The following SFMBT2 variants were observed in gnomAD, a reference collection of about 807,000 sequenced individuals.
SFMBT2 encodes Scm like with four mbt domains 2.
A neutral mutation model predicts 110.1 loss-of-function variants in SFMBT2; 38 were observed. That is an observed-to-expected ratio of 0.35 (90% confidence interval 0.27 to 0.45). The LOEUF (loss-of-function observed/expected upper bound fraction) is 0.45. Ranked by LOEUF, SFMBT2 falls within the 20% of genes least tolerant of loss-of-function variation. SFMBT2 has a pLI of 1.00. For missense variants in SFMBT2, 1,011 were observed against 1,094.9 expected (o/e 0.92, Z 1.08); for synonymous variants, 425 against 425.4 (o/e 1.00, Z 0.01).
In SFMBT2 at chr10:7,163,655, G is replaced by T; in HGVS notation, c.*115C>A. The T allele has an allele frequency of 1.1e-6, 1 of 919,550 alleles. No individual in the cohort carries two copies. Among genetic ancestry groups the T allele is most frequent in the Non-Finnish European group, 1.6e-6 (1 of 609,268 alleles). 57.0% of individuals were successfully genotyped at this position (919,550 alleles called of 1,614,324 possible). A position where few individuals can be genotyped will look rare whatever the true frequency, so the allele number is the denominator to read the frequency against. On this transcript the variant is annotated 3_prime_UTR_variant, in exon 21 of 21. Transcript: ENST00000397167. The surrounding 1 kb of genome is among the most constrained non-coding windows in gnomAD (Gnocchi z 4.8). ...GAAGATCCTGGGCTTCTGGTTTTCT[G>T]GTGATACTTAGTGGCTGTACCATTT...
chr10:7,209,944 C>T (rs1839281469), intron 11 of SFMBT2, among the ~76,000 whole-genome samples: 1 of 152,104 alleles, frequency 6.6e-6, no homozygotes, highest in Admixed American at 6.6e-5. Context: ...TACGGTATTG[C>T]CACAGAGGTC....
chr10:7,343,122 G>A (rs868809811), intron 4 of SFMBT2, among the ~76,000 whole-genome samples: 5 of 151,872 alleles, frequency 3.3e-5, no homozygotes, highest in African/African-American at 4.9e-5. Context: ...CCACTTCTAA[G>A]TGAGAGCATG....
At chr10:7,314,681 G>C (rs1421764987) in intron 4 of SFMBT2, among the ~76,000 whole-genome samples, 1 of 152,138 alleles carries the variant, frequency 6.6e-6, no homozygotes, top group Non-Finnish European at 1.5e-5. Context: ...GCTGAGGCAG[G>C]GGAGTCACCT....
chr10:7,347,315 A>G (rs1450116178), intron 4 of SFMBT2, among the ~76,000 whole-genome samples: 2 of 152,182 alleles, frequency 1.3e-5, no homozygotes, highest in South Asian at 2.1e-4. Context: ...CCATGCAGAC[A>G]TGGAATTTGG....
At position 7,243,709 on chromosome 10, in the gene SFMBT2, A is replaced by G. The variant is rs1380876307; in HGVS notation, c.973-4T>C. The G allele has an allele frequency of 1.1e-6, 1 of 870,298 alleles. No individual in the cohort carries two copies. Among genetic ancestry groups the G allele is most frequent in the South Asian group, 1.3e-5 (1 of 76,444 alleles). The allele number at this position is 870,298 out of a possible 1,614,324, so 53.9% of individuals were successfully genotyped here. On this transcript the variant is annotated splice_region_variant and splice_polypyrimidine_tract_variant and intron_variant, in intron 8 of 20. Coordinates refer to ENST00000397167, the MANE Select transcript of SFMBT2 (RefSeq NM_001387889.1). ...GAAAAAAGTGATTGTTAAAAACCTA[A>G]AAGAAAAAAAATGGGGGAGCCAAAG... is the stretch of plus-strand genomic sequence containing the variant.
chr10:7,307,112 C>CTT (rs1842719662), intron 4 of SFMBT2, among the ~76,000 whole-genome samples: 1 of 152,062 alleles, frequency 6.6e-6, no homozygotes, highest in Non-Finnish European at 1.5e-5. Context: ...CTTCAAAACA[C>CTT]ATAGAATATA....
At chr10:7,394,769 G>A (rs75196050) in intron 1 of SFMBT2, among the ~76,000 whole-genome samples, 5,235 of 152,162 alleles carry the variant, frequency 0.034, 122 homozygotes, top group African/African-American at 0.066. Flanking sequence ...TTGAAGCAAT[G>A]TCTACTGGGG....
In SFMBT2 at chr10:7,367,949, A is replaced by G; in HGVS notation, c.196-60T>C. The G allele has an allele frequency of 1.3e-6, 2 of 1,567,618 alleles. No homozygotes were observed. The highest frequency in any genetic ancestry group is 2.4e-5 in the South Asian group (2 of 83,858). The stretch of plus-strand genomic sequence containing the variant: ...ACACTAGACACAATACATCCAGAAG[A>G]TGACAAAAACCACTAAAAAATATGG... On this transcript the variant is annotated intron_variant, in intron 3 of 20. Coordinates refer to ENST00000397167, the MANE Select transcript of SFMBT2 (RefSeq NM_001387889.1). The surrounding 1 kb of genome is among the most constrained non-coding windows in gnomAD (Gnocchi z 6.2).
chr10:7,395,505 T>C (rs1025562891), intron 1 of SFMBT2, among the ~76,000 whole-genome samples: 5 of 152,266 alleles, frequency 3.3e-5, no homozygotes, highest in Admixed American at 6.5e-5. Context: ...GGATATTTTC[T>C]TGAATTATTG....
At chr10:7,362,139 G>C (rs1844740690) in intron 4 of SFMBT2, among the ~76,000 whole-genome samples, 1 of 152,070 alleles carries the variant, frequency 6.6e-6, no homozygotes, top group Non-Finnish European at 1.5e-5. Context: ...CGCGGCACTG[G>C]GTGACGCTTT....
intron 4 of SFMBT2, among the ~76,000 whole-genome samples, chr10:7,332,591 A>T (rs1349222935): frequency 6.6e-6 from 1 of 152,216 alleles, no homozygotes; most frequent in East Asian, 1.9e-4. Flanking sequence ...CCCAGCTTAT[A>T]AAAATGCTTT....
At chr10:7,327,343 C>G (rs189929872) in intron 4 of SFMBT2, among the ~76,000 whole-genome samples, 3 of 152,026 alleles carry the variant, frequency 2.0e-5, no homozygotes, top group Admixed American at 6.5e-5. Flanking sequence ...AAAAAAAATC[C>G]CTCCTTCTGT....
chr10:7,318,399 G>A (rs1047329736), intron 4 of SFMBT2, among the ~76,000 whole-genome samples: 2 of 152,166 alleles, frequency 1.3e-5, no homozygotes, highest in Admixed American at 1.3e-4. Flanking sequence ...TTAAAAGCAT[G>A]ATTTTTTTTT....
At position 7,172,124 on chromosome 10, in the gene SFMBT2, T is replaced by C. The variant is rs922102706; in HGVS notation, c.2186A>G (p.Asp729Gly). Reference protein sequence around the residue: ...SEEEDADAMDDDTASEETGSE... With the variant: ...SEEEDADAMDGDTASEETGSE... ...GCCGGTCTCCTCACTGGCGGTGTCA[T>C]CGTCCATGGCGTCAGCGTCCTCCTC... The change falls in exon 19 of 21, where the codon GAT becomes GGT. Residue 729 changes from aspartate to glycine, a missense_variant. Coordinates refer to ENST00000397167, the MANE Select transcript of SFMBT2 (RefSeq NM_001387889.1). The surrounding 1 kb of genome is among the most constrained non-coding windows in gnomAD (Gnocchi z 4.6). The C allele has an allele frequency of 1.9e-5, 30 of 1,582,142 alleles. No homozygotes were observed. Among genetic ancestry groups the C allele is most frequent in the Non-Finnish European group, 2.5e-5 (29 of 1,163,150 alleles).
chr10:7,219,115 C>A (rs181103999), intron 11 of SFMBT2, among the ~76,000 whole-genome samples: 5 of 152,246 alleles, frequency 3.3e-5, no homozygotes, highest in African/African-American at 1.2e-4. Context: ...TGTTAGATAG[C>A]AAGTTAAATT....
At chr10:7,334,256 G>A (rs116820271) in intron 4 of SFMBT2, among the ~76,000 whole-genome samples, 1,585 of 152,140 alleles carry the variant, frequency 0.01, 31 homozygotes, top group African/African-American at 0.036. Flanking sequence ...GAAACCCACC[G>A]TGCAGCCTCC....
intron 4 of SFMBT2, among the ~76,000 whole-genome samples, chr10:7,331,880 C>T (rs933793539): frequency 4.6e-5 from 7 of 151,980 alleles, no homozygotes; most frequent in South Asian, 2.1e-4. Flanking sequence ...CGTGGTGGTG[C>T]GCCCCTGTAT....
chr10:7,242,083 A>G (rs905099886), intron 9 of SFMBT2, among the ~76,000 whole-genome samples: 2 of 152,234 alleles, frequency 1.3e-5, no homozygotes, highest in African/African-American at 4.8e-5. Flanking sequence ...GATGGCCCAC[A>G]GGGTGTTCAA....
intron 4 of SFMBT2, among the ~76,000 whole-genome samples, chr10:7,352,489 A>AT (rs796801720): frequency 1.1e-4 from 17 of 150,740 alleles, no homozygotes; most frequent in African/African-American, 2.9e-4. Flanking sequence ...CACCTGGTTA[A>AT]TTTTTTTTTT....
Sources: allele counts gnomAD v4.1 joint callset (sites outside exome capture counted in the v4.1 genomes callset), GRCh38; gene constraint gnomAD v4.1.1; non-coding constraint Gnocchi (gnomAD v3.1); transcripts MANE v1.5; gene names NCBI Gene and HGNC (gene_info 2026-07-23, HGNC 2026-07-21).